The following MCU variants were observed in gnomAD, a reference collection of about 807,000 sequenced individuals.
MCU encodes calcium uniporter protein, mitochondrial.
A neutral mutation model predicts 45.2 loss-of-function variants in MCU; 12 were observed. That is an observed-to-expected ratio of 0.27 (90% CI 0.17 to 0.43). MCU has a LOEUF of 0.43. Ranked by LOEUF, MCU falls within the 20% of genes least tolerant of loss-of-function variation. The probability of loss-of-function intolerance (pLI) is 1.00; values close to 1 mark genes in which losing one functional copy is unlikely to be tolerated. For missense variants in MCU, 324 were observed against 436.7 expected (o/e 0.74, Z 2.30); for synonymous variants, 160 against 165.1 (o/e 0.97, Z 0.24).
intron 1 of MCU, chr10:72,756,440 ATTAC>A (rs1404850622): frequency 6.6e-6 from 1 of 152,214 alleles, no homozygotes; most frequent in Non-Finnish European, 1.5e-5. Context: ...GCCACTAACA[ATTAC>A]TTATACATAA....
intron 1 of MCU, among the ~76,000 whole-genome samples, chr10:72,816,573 T>C (rs1189148576): frequency 1.3e-5 from 2 of 152,224 alleles, no homozygotes; most frequent in East Asian, 3.9e-4. Flanking sequence ...AGCTCAGAAA[T>C]TTGAGAACAG....
In MCU at chr10:72,747,939, G is replaced by GAA. The variant is rs1261467383; in HGVS notation, c.150+55639_150+55640dup. ...GGAAAGAAACAAGTAAAATTAATTTGAATAATATATTTTATTTAACATAAT... is the reference window on the plus strand; with the variant it reads ...GGAAAGAAACAAGTAAAATTAATTTGAAAATAATATATTTTATTTAACATAAT... On this transcript the variant is annotated intron_variant, in intron 1 of 7. Coordinates refer to ENST00000373053, the MANE Select transcript of MCU (RefSeq NM_138357.3). Among the ~76,000 whole-genome samples the GAA allele has an allele frequency of 5.9e-5, 9 of 151,278 alleles. No homozygotes were observed. In the East Asian group the frequency reaches 1.4e-3, roughly 23 times the overall value.
intron 1 of MCU, among the ~76,000 whole-genome samples, chr10:72,819,895 T>C (rs753395236): frequency 6.6e-6 from 1 of 152,180 alleles, no homozygotes; most frequent in Non-Finnish European, 1.5e-5. Context: ...AATTATAGTC[T>C]ATTGAAAAAT....
chr10:72,871,028 T>C (rs921083444), intron 5 of MCU, among the ~76,000 whole-genome samples: 2 of 152,084 alleles, frequency 1.3e-5, no homozygotes, highest in Non-Finnish European at 2.9e-5. Flanking sequence ...AGCCTCCCGA[T>C]AGCTGGGACT....
intron 1 of MCU, among the ~76,000 whole-genome samples, chr10:72,787,151 C>T (rs1844084432): frequency 6.6e-6 from 1 of 152,184 alleles, no homozygotes; most frequent in African/African-American, 2.4e-5. Flanking sequence ...ATAACATGTC[C>T]TTCTAAACCC....
At chr10:72,830,318 G>A (rs1443344594) in intron 1 of MCU, among the ~76,000 whole-genome samples, 1 of 152,198 alleles carries the variant, frequency 6.6e-6, no homozygotes, top group East Asian at 1.9e-4. Flanking sequence ...ATGTATTAAT[G>A]TGGTTCACTG....
intron 1 of MCU, among the ~76,000 whole-genome samples, chr10:72,753,512 AGTT>A (rs1843531077): frequency 6.6e-6 from 1 of 152,212 alleles, no homozygotes; most frequent in Non-Finnish European, 1.5e-5. Context: ...TGATATTAAT[AGTT>A]ACAGTTTATT....
At chr10:72,748,123 C>A (rs910329179) in intron 1 of MCU, among the ~76,000 whole-genome samples, 13 of 151,678 alleles carry the variant, frequency 8.6e-5, no homozygotes, top group Non-Finnish European at 1.6e-4. Flanking sequence ...TCTCAGCTCA[C>A]TGCAACCTCT....
rs1435565633 is a variant in MCU at position 72,742,038 on chromosome 10, AAAAAAAAC to A, written c.150+49743_150+49750del. On this transcript the variant is annotated intron_variant, in intron 1 of 7. Coordinates refer to ENST00000373053, the MANE Select transcript of MCU (RefSeq NM_138357.3). The stretch of plus-strand genomic sequence containing the variant: ...ACTCCGTCTCAAAAAAAAAAAAAAA[AAAAAAAAC>A]AAAAACGACATTGCAGTCAACCATA... Among the ~76,000 whole-genome samples, 140 of 151,602 alleles carry A rather than the reference AAAAAAAAC, an allele frequency of 9.2e-4. 2 individuals carry two copies. The highest frequency in any genetic ancestry group is 3.1e-3 in the African/African-American group (126 of 41,238).
At chr10:72,880,005 G>A (rs1162102725) in intron 6 of MCU, among the ~76,000 whole-genome samples, 1 of 152,064 alleles carries the variant, frequency 6.6e-6, no homozygotes, top group Non-Finnish European at 1.5e-5. Flanking sequence ...CCGAGATCAC[G>A]CCACTGCACT....
intron 1 of MCU, among the ~76,000 whole-genome samples, chr10:72,693,339 C>G (rs1301827944): frequency 6.6e-6 from 1 of 152,060 alleles, no homozygotes; most frequent in African/African-American, 2.4e-5. Flanking sequence ...GGTCTCTGGC[C>G]AGCTCTGAGG....
intron 6 of MCU, among the ~76,000 whole-genome samples, chr10:72,883,095 G>T (rs1035808243): frequency 3.3e-5 from 5 of 152,160 alleles, no homozygotes; most frequent in African/African-American, 1.2e-4. Context: ...CCTTGAAAAT[G>T]TTATGCTAAG....
rs191271256 is a variant in MCU at position 72,751,223 on chromosome 10, G to T, written c.150+58922G>T. On this transcript the variant is annotated intron_variant, in intron 1 of 7. Coordinates refer to ENST00000373053, the MANE Select transcript of MCU (RefSeq NM_138357.3). ...TCACCATGTTGGCCAGGCTGGCCTC[G>T]AACTCCTGACCTCAAGTGATCCACC... Among the ~76,000 whole-genome samples the T allele has an allele frequency of 4.6e-3, 675 of 146,394 alleles. 4 individuals carry two copies. The highest frequency in any genetic ancestry group is 0.016 in the African/African-American group (642 of 39,708).
chr10:72,739,322 A>T (rs1194588403), intron 1 of MCU, among the ~76,000 whole-genome samples: 3 of 152,208 alleles, frequency 2.0e-5, no homozygotes, highest in Non-Finnish European at 4.4e-5. Context: ...AACATTTGGA[A>T]TTATTTTTAG....
At chr10:72,715,977 GT>G in intron 1 of MCU, 1 of 767,720 alleles carries the variant, frequency 1.3e-6, no homozygotes, top group Non-Finnish European at 1.6e-6. Context: ...AACTCATGTG[GT>G]TTTATGAAAT....
chr10:72,731,269 G>A (rs1296039627), intron 1 of MCU: 2 of 152,138 alleles, frequency 1.3e-5, no homozygotes, highest in African/African-American at 2.4e-5. Context: ...ATAAATTAAG[G>A]ATGTGTAGAG....
chr10:72,712,838 T>G (rs1013739312), intron 1 of MCU, among the ~76,000 whole-genome samples: 5 of 152,338 alleles, frequency 3.3e-5, no homozygotes, highest in African/African-American at 1.2e-4. Flanking sequence ...TTTCCAACAC[T>G]CTTGATAATG....
chr10:72,755,131 A>G (rs532953170), intron 1 of MCU, among the ~76,000 whole-genome samples: 50 of 149,522 alleles, frequency 3.3e-4, no homozygotes, highest in African/African-American at 1.1e-3. Flanking sequence ...TTCTTACTAG[A>G]TATGTGAACC....
intron 1 of MCU, among the ~76,000 whole-genome samples, chr10:72,741,123 G>A (rs1185210541): frequency 7.6e-5 from 11 of 144,406 alleles, no homozygotes; most frequent in African/African-American, 2.6e-4. Flanking sequence ...TTTGTGTGAC[G>A]GAGTCTCACT....
Sources: gnomAD v4.1 joint callset for allele counts (sites outside exome capture counted in the v4.1 genomes callset) on GRCh38, gnomAD v4.1.1 for gene constraint, MANE v1.5 for transcripts, NCBI Gene and HGNC (gene_info 2026-07-23, HGNC 2026-07-21) for gene names.